The following MAP4 variants were observed in gnomAD, a reference collection of about 807,000 sequenced individuals.
The protein encoded by MAP4 is microtubule associated protein 4.
Under a neutral mutation model 170.2 loss-of-function variants are expected in MAP4, and 76 were observed. The observed-to-expected ratio is 0.45, with a 90% CI of 0.37 to 0.54. The LOEUF (loss-of-function observed/expected upper bound fraction) is 0.54. MAP4 is among the 20% of genes least tolerant of loss of function. The pLI, the probability that MAP4 is intolerant of heterozygous loss-of-function variation, is 0.00. For synonymous variants in MAP4, 909 were observed against 994.5 expected, an observed-to-expected ratio of 0.91 and a Z score of 1.62; for missense variants, 2,506 against 2,748.0, an observed-to-expected ratio of 0.91 and a Z score of 1.97.
At chr3:47,961,989 T>C (rs1172764067) in intron 3 of MAP4, among the ~76,000 whole-genome samples, 4 of 152,110 alleles carry the variant, frequency 2.6e-5, no homozygotes, top group African/African-American at 9.7e-5. Flanking sequence ...AAAAGTAACC[T>C]CGAGTTGCCC....
At chr3:48,082,981 G>A (rs1305151317) in intron 1 of MAP4, among the ~76,000 whole-genome samples, 2 of 152,144 alleles carry the variant, frequency 1.3e-5, no homozygotes, top group East Asian at 3.9e-4. Flanking sequence ...ACAAATGCAT[G>A]ACCACTCATC....
intron 16 of MAP4, 52 bp downstream of exon 16, chr3:47,869,159 GGAA>G: frequency 3.0e-6 from 4 of 1,344,884 alleles, no homozygotes; most frequent in Non-Finnish European, 4.3e-6. Flanking sequence ...GGCTCAGGCT[GGAA>G]GAAGTATTTT....
At position 47,909,718 on chromosome 3, in the gene MAP4, G is replaced by A. The variant is rs1333004710; in HGVS notation, c.4703C>T (p.Thr1568Ile). Reference sequence around the variant, plus strand: ...AAGGAGGTGACCTTTTGCTAGCTCTGTGACTTTCTCTACTGAATGCTTAGA... The same window carrying A: ...AAGGAGGTGACCTTTTGCTAGCTCTATGACTTTCTCTACTGAATGCTTAGA... ...GASKHSVEKV[T>I]ELAKGHLLPG... is the part of the protein sequence containing the mutation. The change falls in exon 9 of 21, where the codon ACA (threonine) becomes ATA (isoleucine). Residue 1568 changes from threonine to isoleucine, a missense_variant. Physicochemically the swap from Thr to Ile is moderately conservative, Grantham distance 89. Coordinates refer to ENST00000683076, the MANE Select transcript of MAP4 (RefSeq NM_001385682.1). 6.2e-7 allele frequency: 1 copy of A among 1,613,976 alleles called. No individual in the cohort carries two copies. Among genetic ancestry groups the A allele is most frequent in the Admixed American group, 1.7e-5 (1 of 60,022 alleles).
chr3:48,080,367 GGAA>G (rs1489190053), intron 1 of MAP4, among the ~76,000 whole-genome samples: 1 of 152,178 alleles, frequency 6.6e-6, no homozygotes, highest in African/African-American at 2.4e-5. Flanking sequence ...TCTACGAGGA[GGAA>G]GAAGTCCAGA....
intron 1 of MAP4, among the ~76,000 whole-genome samples, chr3:48,064,152 A>G (rs1051878329): frequency 2.9e-4 from 44 of 152,218 alleles, no homozygotes; most frequent in Non-Finnish European, 1.0e-4. Flanking sequence ...AATTCTAACA[A>G]GATTAGAAAT....
At position 47,915,937 on chromosome 3, in the gene MAP4, G is replaced by GC. The variant is rs764414216; in HGVS notation, c.1876+13dup. 4 of 1,592,962 alleles carry GC rather than the reference G, an allele frequency of 2.5e-6. No homozygotes were observed. The highest frequency in any genetic ancestry group is 2.6e-6 in the Non-Finnish European group (3 of 1,170,606). On this transcript the variant is annotated intron_variant, in intron 7 of 20. Coordinates refer to ENST00000683076, the MANE Select transcript of MAP4 (RefSeq NM_001385682.1). Reference sequence around the variant, plus strand: ...TGGTAGAGAGAAATACTGAGAATAAGCACAAGCACGTACCTGGTGAAATCA... The same window carrying GC: ...TGGTAGAGAGAAATACTGAGAATAAGCCACAAGCACGTACCTGGTGAAATCA...
At chr3:47,868,124 G>C (rs2083854408) in intron 16 of MAP4, among the ~76,000 whole-genome samples, 1 of 152,156 alleles carries the variant, frequency 6.6e-6, no homozygotes, top group Admixed American at 6.5e-5. Flanking sequence ...CCAATCCTGG[G>C]GGCACAACCA....
At chr3:47,937,858 C>T (rs925975535) in intron 3 of MAP4, among the ~76,000 whole-genome samples, 1 of 150,634 alleles carries the variant, frequency 6.6e-6, no homozygotes. Context: ...GACGAGGTTT[C>T]ACCATGTTGG....
chr3:47,918,985 G>T, intron 5 of MAP4, 144 bp from the exon 6 acceptor site: 1 of 572,014 alleles, frequency 1.7e-6, no homozygotes, highest in East Asian at 3.7e-5. Context: ...CAGACAGAGT[G>T]AAGTGGCGTG....
intron 16 of MAP4, among the ~76,000 whole-genome samples, chr3:47,868,075 T>C (rs1390569211): frequency 6.6e-6 from 1 of 152,150 alleles, no homozygotes; most frequent in African/African-American, 2.4e-5. Flanking sequence ...GAGATGCCCA[T>C]GCGGAAAGAA....
chr3:48,047,694 T>A (rs769231906), intron 1 of MAP4, among the ~76,000 whole-genome samples: 2 of 152,236 alleles, frequency 1.3e-5, no homozygotes, highest in Non-Finnish European at 2.9e-5. Flanking sequence ...TAACTCCATG[T>A]TTTCTTGTTT....
At chr3:47,864,563 G>C (rs2076063469) in intron 17 of MAP4, among the ~76,000 whole-genome samples, 1 of 152,184 alleles carries the variant, frequency 6.6e-6, no homozygotes. Context: ...TGTAGTCCCA[G>C]CTACTCGGGA....
intron 1 of MAP4, among the ~76,000 whole-genome samples, chr3:48,071,359 T>C (rs930340719): frequency 1.3e-5 from 2 of 151,208 alleles, no homozygotes; most frequent in East Asian, 1.9e-4. Context: ...CTGGGCAACA[T>C]AGTGAAACCC....
At chr3:48,034,327 G>C (rs1007936202) in intron 1 of MAP4, among the ~76,000 whole-genome samples, 1 of 152,004 alleles carries the variant, frequency 6.6e-6, no homozygotes, top group Non-Finnish European at 1.5e-5. Context: ...CAGGAAACCA[G>C]ATCTATTTTT....
rs112849723 is a variant in MAP4 at position 47,853,478 on chromosome 3, C to T, written c.6697-126G>A. The T allele has an allele frequency of 2.0e-5, 14 of 709,176 alleles. No homozygotes were observed. In the African/African-American group the frequency reaches 2.1e-4, roughly 11 times the overall value. 43.9% of individuals were successfully genotyped at this position (709,176 alleles called of 1,614,324 possible). ...CCCTGGCACCCACTGGCTCAAGGCA[C>T]AGTCGCTTGGAGAATCCCAGGCAGG... On this transcript the variant is annotated intron_variant, in intron 19 of 20. Transcript: ENST00000683076.
chr3:48,040,273 T>A (rs1197050583), intron 1 of MAP4, among the ~76,000 whole-genome samples: 1 of 152,118 alleles, frequency 6.6e-6, no homozygotes, highest in Non-Finnish European at 1.5e-5. Flanking sequence ...ATTTTTATTT[T>A]TTTATTTTTT....
chr3:47,916,296 C>G lies in MAP4; in HGVS notation c.1531G>C (p.Glu511Gln). 1 of 1,614,110 alleles carries G rather than the reference C, an allele frequency of 6.2e-7. No homozygotes were observed. The highest frequency in any genetic ancestry group is 2.2e-5 in the East Asian group (1 of 44,900). ...TCCTTGCCCAGAGCCATTTCTGTTT[C>G]TGATAGTGGAGACATGTCCTTCAAC... ...GLLKDMSPLSETEMALGKDVT... is the reference protein window; with the variant it reads ...GLLKDMSPLSQTEMALGKDVT... The change falls in exon 7 of 21, where the codon GAA becomes CAA. Residue 511 changes from glutamate (E) to glutamine (Q), a missense_variant. Coordinates refer to ENST00000683076, the MANE Select transcript of MAP4 (RefSeq NM_001385682.1).
chr3:47,971,353 C>A (rs542554097), intron 3 of MAP4, among the ~76,000 whole-genome samples: 1 of 152,264 alleles, frequency 6.6e-6, no homozygotes, highest in East Asian at 1.9e-4. Context: ...ATTTATTTAT[C>A]TGTTAATATT....
chr3:47,981,014 G>A (rs2100085124), intron 2 of MAP4, among the ~76,000 whole-genome samples: 1 of 152,150 alleles, frequency 6.6e-6, no homozygotes, highest in Non-Finnish European at 1.5e-5. Context: ...ACCTTTTTAT[G>A]AGACAATTTG....
Sources: gnomAD v4.1 joint callset for allele counts (sites outside exome capture counted in the v4.1 genomes callset) on GRCh38, gnomAD v4.1.1 for gene constraint, MANE v1.5 for transcripts, NCBI Gene and HGNC (gene_info 2026-07-23, HGNC 2026-07-21) for gene names.